LARGE1: variants seen among roughly 807,000 people sequenced by gnomAD.
LARGE1 encodes LARGE xylosyl- and glucuronyltransferase 1.
In LARGE1, 43 loss-of-function variants were observed where a neutral mutation model predicts 87.6. The ratio of observed to expected loss-of-function variants is 0.49; its 90% CI spans 0.38 to 0.63. The LOEUF is 0.63. LARGE1 is among the 30% of genes least tolerant of loss of function. The probability of loss-of-function intolerance (pLI) is 0.00; values close to 1 mark genes in which losing one functional copy is unlikely to be tolerated. For synonymous variants in LARGE1, 434 were observed against 394.6 expected (o/e 1.10, Z -1.18); for missense variants, 802 against 1,000.2 (o/e 0.80, Z 2.67).
the LARGE1 span, among the ~76,000 whole-genome samples, chr22:33,121,336 G>C: frequency 5.3e-5 from 8 of 152,174 alleles, no homozygotes; most frequent in African/African-American, 1.2e-4. Context: ...GATGTCCTTT[G>C]TTTTTAGTCA....
At chr22:33,851,259 T>C (rs1337856688) in intron 1 of LARGE1, among the ~76,000 whole-genome samples, 2 of 152,228 alleles carry the variant, frequency 1.3e-5, no homozygotes, top group Non-Finnish European at 2.9e-5. Context: ...ACCTTGGGTC[T>C]CTTGACTCCT....
At chr22:33,274,991 G>A (rs1462209430) in intron 14 of LARGE1, among the ~76,000 whole-genome samples, 4 of 152,174 alleles carry the variant, frequency 2.6e-5, no homozygotes, top group Non-Finnish European at 5.9e-5. Context: ...GACAGTCTAG[G>A]ATGACACACG....
intron 6 of LARGE1, among the ~76,000 whole-genome samples, chr22:33,439,242 T>C (rs987974430): frequency 6.6e-6 from 1 of 151,098 alleles, no homozygotes; most frequent in African/African-American, 2.4e-5. Flanking sequence ...ATGACAGATG[T>C]AAAGTGCTGG....
chr22:33,533,373 T>C (rs1213321565), intron 6 of LARGE1, among the ~76,000 whole-genome samples: 1 of 152,210 alleles, frequency 6.6e-6, no homozygotes, highest in Non-Finnish European at 1.5e-5. Context: ...CTGGGTTCCA[T>C]TCGAGCACCT....
chr22:33,883,804 C>A lies in LARGE1; in HGVS notation c.-83+36191G>T, dbSNP rs1043569453. ...ACCTCTGCAAACCCTCCCGGACCAA[C>A]CTCCTTAAAACCGCAAACCCTAACC... On this transcript the variant is annotated intron_variant, in intron 1 of 14. Transcript: ENST00000397394. Among the ~76,000 whole-genome samples, 8 of 152,336 alleles carry A rather than the reference C, an allele frequency of 5.3e-5. No individual in the cohort carries two copies. The East Asian group carries it at 1.2e-3, about 22-fold the overall frequency.
intron 1 of LARGE1, among the ~76,000 whole-genome samples, chr22:33,858,175 C>A (rs956356534): frequency 1.3e-5 from 2 of 152,190 alleles, no homozygotes; most frequent in Non-Finnish European, 2.9e-5. Flanking sequence ...GCAGGAACAA[C>A]GGCAAGCCTT....
intron 6 of LARGE1, among the ~76,000 whole-genome samples, chr22:33,460,116 A>T (rs2068314696): frequency 6.6e-6 from 1 of 152,238 alleles, no homozygotes; most frequent in Admixed American, 6.5e-5. Flanking sequence ...TAACTGTAGC[A>T]GTCAAAGGAT....
rs34477059 is a variant in LARGE1 at position 33,555,930 on chromosome 22, C to CAAA, written c.787+8915_787+8917dup. Reference sequence around the variant, plus strand: ...GGGTGGAGAGAGAGAGACTCCATCTCAAAAAAAAAAAAAAAAGTGTAGATT... The same window carrying CAAA: ...GGGTGGAGAGAGAGAGACTCCATCTCAAAAAAAAAAAAAAAAAAAGTGTAGATT... On this transcript the variant is annotated intron_variant, in intron 6 of 14. Transcript: ENST00000397394. 5.3e-4 allele frequency among the ~76,000 whole-genome samples: 66 copies of CAAA among 124,316 alleles called. 1 individual carries two copies. Among genetic ancestry groups the CAAA allele is most frequent in the African/African-American group, 1.3e-3 (42 of 33,094 alleles). 81.6% of individuals were successfully genotyped at this position (124,316 alleles called of 152,430 possible). A position where few individuals can be genotyped will look rare whatever the true frequency, so the allele number is the denominator to read the frequency against.
At chr22:33,354,247 T>C (rs1408756684) in intron 9 of LARGE1, among the ~76,000 whole-genome samples, 1 of 152,228 alleles carries the variant, frequency 6.6e-6, no homozygotes, top group African/African-American at 2.4e-5. Context: ...ATTGTTTCCA[T>C]CGTTATGGGA....
At chr22:33,914,867 C>A (rs1369313861) in intron 1 of LARGE1, among the ~76,000 whole-genome samples, 1 of 152,052 alleles carries the variant, frequency 6.6e-6, no homozygotes. Context: ...CCCAGAGATG[C>A]CAAGAAATAT....
chr22:33,524,301 A>C (rs866927853), intron 6 of LARGE1, among the ~76,000 whole-genome samples: 1 of 149,626 alleles, frequency 6.7e-6, no homozygotes, highest in East Asian at 1.9e-4. Flanking sequence ...AAAAAAAAAA[A>C]ATAATAATAA....
At position 33,711,940 on chromosome 22, in the gene LARGE1, C is replaced by T. The variant is rs191420670; in HGVS notation, c.106+49431G>A. Among the ~76,000 whole-genome samples the T allele has an allele frequency of 7.1e-4, 108 of 152,238 alleles. 1 individual carries two copies. The highest frequency in any genetic ancestry group is 2.5e-3 in the African/African-American group (104 of 41,550). Reference sequence around the variant, plus strand: ...CCTCCCAAAGTGTTGGGACTGTAGGCGTGAGCCACCGTGCCTGACCTAGAA... The same window carrying T: ...CCTCCCAAAGTGTTGGGACTGTAGGTGTGAGCCACCGTGCCTGACCTAGAA... On this transcript the variant is annotated intron_variant, in intron 2 of 14. Coordinates refer to ENST00000397394, the MANE Select transcript of LARGE1 (RefSeq NM_133642.5).
At chr22:33,670,269 T>G (rs916639867) in intron 2 of LARGE1, among the ~76,000 whole-genome samples, 7 of 151,476 alleles carry the variant, frequency 4.6e-5, no homozygotes, top group Non-Finnish European at 8.8e-5. Context: ...AAAGATAAAA[T>G]CACACTGCAA....
chr22:33,576,041 C>A (rs2078342553), intron 5 of LARGE1, among the ~76,000 whole-genome samples: 1 of 152,070 alleles, frequency 6.6e-6, no homozygotes, highest in South Asian at 2.1e-4. Context: ...AATATAGCTG[C>A]CTTCTTCACT....
At chr22:33,835,490 G>A (rs1568972297) in intron 1 of LARGE1, among the ~76,000 whole-genome samples, 1 of 152,188 alleles carries the variant, frequency 6.6e-6, no homozygotes, top group Non-Finnish European at 1.5e-5. Flanking sequence ...GATAAAAACC[G>A]AAATTCAGCA....
chr22:33,881,881 C>T (rs915711179), intron 1 of LARGE1, among the ~76,000 whole-genome samples: 2 of 152,300 alleles, frequency 1.3e-5, no homozygotes, highest in African/African-American at 4.8e-5. Context: ...ATCAGGCTAA[C>T]ACTGCAAAGC....
chr22:33,092,178 G>A, the LARGE1 span, among the ~76,000 whole-genome samples: 5 of 151,954 alleles, frequency 3.3e-5, no homozygotes, highest in South Asian at 2.1e-4. Flanking sequence ...GATTACAGGC[G>A]TGAGCCACCG....
intron 7 of LARGE1, among the ~76,000 whole-genome samples, chr22:33,393,754 T>C (rs144368947): frequency 1.3e-3 from 200 of 152,342 alleles, no homozygotes; most frequent in African/African-American, 4.7e-3. Flanking sequence ...AGAGGCAACA[T>C]GCCTTAAATT....
In LARGE1 at chr22:33,274,257, T is replaced by C. The variant is rs1448672805; in HGVS notation, c.*170A>G. On this transcript the variant is annotated 3_prime_UTR_variant, in exon 15 of 15. Coordinates refer to ENST00000397394, the MANE Select transcript of LARGE1 (RefSeq NM_133642.5). ...GGTTGTGGGGCAGAGAGGGACTGGC[T>C]GGATCCTTGTCCAAGGTCTCTGTAG... 4.3e-6 allele frequency: 3 copies of C among 704,296 alleles called. No individual in the cohort carries two copies. Among genetic ancestry groups the C allele is most frequent in the East Asian group, 5.3e-5 (2 of 37,506 alleles). 43.6% of individuals were successfully genotyped at this position (704,296 alleles called of 1,614,324 possible). A position where few individuals can be genotyped will look rare whatever the true frequency, so the allele number is the denominator to read the frequency against.
Sources: gnomAD v4.1 joint callset for allele counts (sites outside exome capture counted in the v4.1 genomes callset) on GRCh38, gnomAD v4.1.1 for gene constraint, MANE v1.5 for transcripts, NCBI Gene and HGNC (gene_info 2026-07-23, HGNC 2026-07-21) for gene names.